Variants in FARP1 observed in about 807,000 individuals in gnomAD.
The protein encoded by FARP1 is FERM, ARHGEF and pleckstrin domain-containing protein 1.
Under a neutral mutation model 128.8 loss-of-function variants are expected in FARP1, and 52 were observed. The observed-to-expected ratio is 0.40, with a 90% CI of 0.32 to 0.51. The LOEUF (loss-of-function observed/expected upper bound fraction) is 0.51. Among genes scored for constraint, FARP1 ranks in the 20% least tolerant of loss-of-function variants. FARP1 has a pLI of 0.45. For synonymous variants in FARP1, 580 were observed against 551.8 expected, an observed-to-expected ratio of 1.05 and a Z score of -0.72; for missense variants, 1,333 against 1,367.9, an observed-to-expected ratio of 0.97 and a Z score of 0.40.
chr13:98,257,220 T>G (rs1014037601), intron 2 of FARP1, among the ~76,000 whole-genome samples: 1 of 151,998 alleles, frequency 6.6e-6, no homozygotes, highest in Admixed American at 6.6e-5. Context: ...ATCTGTGTAT[T>G]TAAAACAACA....
chr13:98,323,387 C>CT (rs71792049), intron 2 of FARP1, among the ~76,000 whole-genome samples: 1,532 of 133,422 alleles, frequency 0.011, 15 homozygotes, highest in African/African-American at 0.025. Flanking sequence ...ATTCACATGG[C>CT]TTTTTTTTTT....
chr13:98,429,169 G>A (rs1433760555), intron 17 of FARP1, among the ~76,000 whole-genome samples: 2 of 152,208 alleles, frequency 1.3e-5, no homozygotes, highest in Non-Finnish European at 2.9e-5. Flanking sequence ...GATAAGGGCG[G>A]TTGTGGAAAG....
chr13:98,362,062 G>A lies in FARP1; in HGVS notation c.277-3333G>A, dbSNP rs553890124. Reference sequence around the variant, plus strand: ...GTGGATTGCTTGAGCCCAGGATTTCGAGACCAGCCTGGGCAACATGGCGAA... The same window carrying A: ...GTGGATTGCTTGAGCCCAGGATTTCAAGACCAGCCTGGGCAACATGGCGAA... On this transcript the variant is annotated intron_variant, in intron 3 of 26. Coordinates refer to ENST00000319562, the MANE Select transcript of FARP1 (RefSeq NM_005766.4). Among the ~76,000 whole-genome samples the A allele has an allele frequency of 9.2e-5, 14 of 152,250 alleles. No individual in the cohort carries two copies. In the South Asian group the frequency reaches 1.9e-3, roughly 20 times the overall value.
chr13:98,426,039 C>T (rs1274995045), intron 17 of FARP1, among the ~76,000 whole-genome samples: 6 of 152,180 alleles, frequency 3.9e-5, no homozygotes, highest in Non-Finnish European at 4.4e-5. Context: ...CATACTGCCC[C>T]CATTTCAATC....
chr13:98,343,307 A>G (rs1007576016), intron 2 of FARP1, among the ~76,000 whole-genome samples: 12 of 152,186 alleles, frequency 7.9e-5, no homozygotes, highest in Admixed American at 7.2e-4. Context: ...CACATTTGTC[A>G]TAGAACTTTA....
chr13:98,383,728 A>C (rs55842160), intron 6 of FARP1: 20,941 of 152,168 alleles, frequency 0.14, 1,633 homozygotes, highest in East Asian at 0.29. Context: ...ATTGACCTTG[A>C]ACTAGTGTTG....
intron 2 of FARP1, among the ~76,000 whole-genome samples, chr13:98,240,557 T>C (rs1205370498): frequency 2.0e-5 from 3 of 152,176 alleles, no homozygotes; most frequent in Non-Finnish European, 4.4e-5. Context: ...AGATACTTTG[T>C]TGGTGGATGG....
chr13:98,240,162 C>T (rs778965173), intron 2 of FARP1, among the ~76,000 whole-genome samples: 3 of 152,202 alleles, frequency 2.0e-5, no homozygotes, highest in Admixed American at 1.3e-4. Context: ...TGGCTGGGGC[C>T]TTGTGCTGCT....
intron 3 of FARP1, among the ~76,000 whole-genome samples, chr13:98,364,151 T>C (rs1888988418): frequency 6.6e-6 from 1 of 152,248 alleles, no homozygotes; most frequent in African/African-American, 2.4e-5. Context: ...CTGCAATTAG[T>C]ATTCCTTGTG....
chr13:98,167,405 CTT>C (rs11388623), intron 1 of FARP1, among the ~76,000 whole-genome samples: 8 of 129,740 alleles, frequency 6.2e-5, no homozygotes, highest in Admixed American at 8.2e-5. Context: ...AACAGTTTTA[CTT>C]TTTTTTTTTT....
Position 98,258,273 on chromosome 13 carries a change from T to G in FARP1, c.171+44860T>G, listed in dbSNP as rs552671853. 7.9e-5 allele frequency among the ~76,000 whole-genome samples: 12 copies of G among 152,254 alleles called. No individual in the cohort carries two copies. In the East Asian group the frequency reaches 1.2e-3, roughly 15 times the overall value. ...TGAGCAACCACACCCGGCCTGTAAT[T>G]TTTACTTGTCAATTTAAAAAGTAAA... On this transcript the variant is annotated intron_variant, in intron 2 of 26. Coordinates refer to ENST00000319562, the MANE Select transcript of FARP1 (RefSeq NM_005766.4).
At chr13:98,335,059 T>G (rs1887684548) in intron 2 of FARP1, among the ~76,000 whole-genome samples, 1 of 152,222 alleles carries the variant, frequency 6.6e-6, no homozygotes, top group South Asian at 2.1e-4. Flanking sequence ...TAAAAACACA[T>G]TAGGTACTCC....
intron 2 of FARP1, among the ~76,000 whole-genome samples, chr13:98,321,085 A>G (rs959063583): frequency 2.6e-5 from 4 of 152,176 alleles, no homozygotes; most frequent in African/African-American, 7.2e-5. Flanking sequence ...GTTTGAAGCT[A>G]TGATGTGTGA....
At chr13:98,367,311 C>A (rs759261357) in intron 4 of FARP1, among the ~76,000 whole-genome samples, 2 of 152,176 alleles carry the variant, frequency 1.3e-5, no homozygotes, top group African/African-American at 4.8e-5. Flanking sequence ...CGCCCGCCAC[C>A]ACGCCTGACT....
intron 2 of FARP1, chr13:98,328,548 A>G (rs1308753326): frequency 6.6e-6 from 1 of 152,186 alleles, no homozygotes; most frequent in Non-Finnish European, 1.5e-5. Flanking sequence ...TCCCAGACGG[A>G]AGATTATTCT....
At chr13:98,272,893 T>A (rs1426011063) in intron 2 of FARP1, among the ~76,000 whole-genome samples, 1 of 152,218 alleles carries the variant, frequency 6.6e-6, no homozygotes, top group African/African-American at 2.4e-5. Flanking sequence ...TGTTCAATTT[T>A]GTCAAAAGCT....
At chr13:98,301,392 T>C (rs866049916) in intron 2 of FARP1, among the ~76,000 whole-genome samples, 10 of 152,274 alleles carry the variant, frequency 6.6e-5, no homozygotes, top group Middle Eastern at 3.4e-3. Flanking sequence ...GAGCTTCTAT[T>C]GTATGAGGTT....
chr13:98,412,756 A>G (rs1891238247), intron 16 of FARP1, among the ~76,000 whole-genome samples: 1 of 152,248 alleles, frequency 6.6e-6, no homozygotes, highest in Non-Finnish European at 1.5e-5. Flanking sequence ...CTACACCTTT[A>G]CCTAAAATAG....
chr13:98,306,620 TC>T (rs1371712752), intron 2 of FARP1, among the ~76,000 whole-genome samples: 1 of 152,100 alleles, frequency 6.6e-6, no homozygotes. Flanking sequence ...GCTTGATCAG[TC>T]CTTCTGCCTC....
Sources: gnomAD v4.1 joint callset for allele counts (sites outside exome capture counted in the v4.1 genomes callset) on GRCh38, gnomAD v4.1.1 for gene constraint, MANE v1.5 for transcripts, NCBI Gene and HGNC (gene_info 2026-07-23, HGNC 2026-07-21) for gene names.